The following CCSER1 variants were observed in gnomAD, a reference collection of about 807,000 sequenced individuals.
CCSER1 encodes serine-rich coiled-coil domain-containing protein 1.
A neutral mutation model predicts 82.0 loss-of-function variants in CCSER1; 41 were observed. The ratio of observed to expected loss-of-function variants is 0.50; its 90% CI spans 0.39 to 0.65. The LOEUF (loss-of-function observed/expected upper bound fraction) is 0.65. Among genes scored for constraint, CCSER1 ranks in the 30% least tolerant of loss-of-function variants. The pLI is 0.00. For synonymous variants in CCSER1, 414 were observed against 383.9 expected (o/e 1.08, Z -0.92); for missense variants, 1,119 against 1,064.2 (o/e 1.05, Z -0.72).
At chr4:90,465,722 G>A (rs7669684) in intron 4 of CCSER1, among the ~76,000 whole-genome samples, 2,175 of 152,272 alleles carry the variant, frequency 0.014, 30 homozygotes, top group African/African-American at 0.042. Context: ...GAAGTGATGT[G>A]TGTGTGTCAC....
chr4:91,430,492 C>T (rs1166542112), intron 10 of CCSER1, among the ~76,000 whole-genome samples: 1 of 152,108 alleles, frequency 6.6e-6, no homozygotes, highest in Non-Finnish European at 1.5e-5. Flanking sequence ...TGTGCATGGG[C>T]ACAACTATTT....
At chr4:91,149,121 C>T (rs1729861996) in intron 10 of CCSER1, among the ~76,000 whole-genome samples, 1 of 152,276 alleles carries the variant, frequency 6.6e-6, no homozygotes, top group Non-Finnish European at 1.5e-5. Flanking sequence ...GTTCCTATTC[C>T]TCCACATCCT....
chr4:91,526,813 G>A (rs770851690), intron 10 of CCSER1, among the ~76,000 whole-genome samples: 8 of 151,976 alleles, frequency 5.3e-5, no homozygotes, highest in Non-Finnish European at 1.0e-4. Flanking sequence ...GGGTGATCTC[G>A]AACTCCTGAT....
At chr4:91,404,769 A>T (rs1477132386) in intron 10 of CCSER1, among the ~76,000 whole-genome samples, 2 of 152,158 alleles carry the variant, frequency 1.3e-5, no homozygotes, top group Admixed American at 6.6e-5. Flanking sequence ...ACAGTTTGTT[A>T]TAATTTCTGT....
rs534789799 is a variant in CCSER1 at position 90,188,369 on chromosome 4, A to T, written c.-42+60538A>T. 5.3e-5 allele frequency among the ~76,000 whole-genome samples: 8 copies of T among 152,088 alleles called. No homozygotes were observed. In the East Asian group the frequency reaches 5.8e-4, roughly 11 times the overall value. On this transcript the variant is annotated intron_variant, in intron 1 of 10. Coordinates refer to ENST00000509176, the MANE Select transcript of CCSER1 (RefSeq NM_001145065.2). The stretch of plus-strand genomic sequence containing the variant: ...TTTTTCAGTATTCTTTGTGAATAAG[A>T]CTTTAATGTAGCTTCTATCATTGTA...
intron 10 of CCSER1, among the ~76,000 whole-genome samples, chr4:91,329,259 T>C (rs1322737572): frequency 2.6e-5 from 4 of 152,214 alleles, no homozygotes; most frequent in Non-Finnish European, 5.9e-5. Flanking sequence ...TATCCAGCAA[T>C]GCTGCTAAGC....
At position 90,705,921 on chromosome 4, in the gene CCSER1, C is replaced by T. The variant is rs536102515; in HGVS notation, c.1933-17993C>T. On this transcript the variant is annotated intron_variant, in intron 6 of 10. Transcript: ENST00000509176. ...GGAATTCCCTGACCCCTTGCACTTC[C>T]GGGGTCAGGCGATGCCTTGCCCTGC... is the stretch of plus-strand genomic sequence containing the variant. 6.3e-4 allele frequency among the ~76,000 whole-genome samples: 96 copies of T among 152,302 alleles called. 2 individuals are homozygous for T. In the South Asian group the frequency reaches 8.5e-3, roughly 13 times the overall value.
At chr4:91,498,369 C>G (rs1288043791) in intron 10 of CCSER1, among the ~76,000 whole-genome samples, 1 of 151,548 alleles carries the variant, frequency 6.6e-6, no homozygotes, top group Non-Finnish European at 1.5e-5. Flanking sequence ...TAACATTTTT[C>G]CCTTTATATT....
chr4:91,535,468 A>C (rs544287452), intron 10 of CCSER1, among the ~76,000 whole-genome samples: 15 of 129,050 alleles, frequency 1.2e-4, no homozygotes, highest in African/African-American at 2.5e-4. Context: ...CAAAATGAAA[A>C]ATAAAAAACA....
At chr4:90,398,720 A>G (rs559912840) in intron 3 of CCSER1, among the ~76,000 whole-genome samples, 1 of 152,300 alleles carries the variant, frequency 6.6e-6, no homozygotes, top group African/African-American at 2.4e-5. Context: ...TCCAATAAAC[A>G]AGTGATTTTA....
At chr4:91,431,918 G>A (rs1372544444) in intron 10 of CCSER1, among the ~76,000 whole-genome samples, 3 of 150,862 alleles carry the variant, frequency 2.0e-5, no homozygotes, top group Non-Finnish European at 4.4e-5. Flanking sequence ...TTTTTCCATT[G>A]TATAGATGCA....
chr4:91,356,615 A>T (rs1338018087), intron 10 of CCSER1, among the ~76,000 whole-genome samples: 2 of 152,188 alleles, frequency 1.3e-5, no homozygotes, highest in African/African-American at 2.4e-5. Flanking sequence ...CACTCTAGTT[A>T]TTTGGCAGAG....
intron 10 of CCSER1, among the ~76,000 whole-genome samples, chr4:91,303,549 G>A (rs780837763): frequency 2.0e-5 from 3 of 151,978 alleles, no homozygotes; most frequent in African/African-American, 4.8e-5. Flanking sequence ...ACTTTGGGAG[G>A]CTGAAGTGGG....
intron 5 of CCSER1, among the ~76,000 whole-genome samples, chr4:90,494,399 T>A (rs559049694): frequency 4.6e-5 from 7 of 152,152 alleles, no homozygotes; most frequent in Non-Finnish European, 8.8e-5. Flanking sequence ...TGAAGTCAGC[T>A]CTGCACCAAG....
In CCSER1 at chr4:91,119,087, A is replaced by T. The variant is rs539378174; in HGVS notation, c.2217+33093A>T. ...TTGATATTCATGTATAAAAAGGGGC[A>T]GATGTTCTTTTCTGGTAAATCATTC... On this transcript the variant is annotated intron_variant, in intron 10 of 10. Coordinates refer to ENST00000509176, the MANE Select transcript of CCSER1 (RefSeq NM_001145065.2). 2.0e-3 allele frequency among the ~76,000 whole-genome samples: 306 copies of T among 152,292 alleles called. 1 individual carries two copies. The highest frequency in any genetic ancestry group is 0.013 in the South Asian group (61 of 4,832).
At chr4:90,490,241 A>G (rs914276740) in intron 5 of CCSER1, among the ~76,000 whole-genome samples, 22 of 152,008 alleles carry the variant, frequency 1.4e-4, no homozygotes, top group Admixed American at 8.5e-4. Flanking sequence ...GTATCTCATT[A>G]TGGTTTTGAT....
intron 7 of CCSER1, among the ~76,000 whole-genome samples, chr4:90,749,888 A>G (rs1163194185): frequency 6.6e-6 from 1 of 151,816 alleles, no homozygotes; most frequent in African/African-American, 2.4e-5. Flanking sequence ...CAATGGTTGA[A>G]CTAGTTTACA....
chr4:90,574,751 A>G (rs1780546201), intron 5 of CCSER1, among the ~76,000 whole-genome samples: 1 of 151,880 alleles, frequency 6.6e-6, no homozygotes, highest in South Asian at 2.1e-4. Flanking sequence ...ATAGAATATC[A>G]TAATGACATT....
chr4:90,464,613 A>G (rs1228970216), intron 4 of CCSER1, among the ~76,000 whole-genome samples: 1 of 152,226 alleles, frequency 6.6e-6, no homozygotes, highest in Non-Finnish European at 1.5e-5. Flanking sequence ...TAACAACAAA[A>G]ATTCTTTTCA....
Sources: allele counts gnomAD v4.1 joint callset (sites outside exome capture counted in the v4.1 genomes callset), GRCh38; gene constraint gnomAD v4.1.1; transcripts MANE v1.5; gene names NCBI Gene and HGNC (gene_info 2026-07-23, HGNC 2026-07-21).